Variants in NECAB2 observed in about 807,000 individuals in gnomAD.
NECAB2 encodes the protein N-terminal EF-hand calcium-binding protein 2.
A neutral mutation model predicts 51.9 loss-of-function variants in NECAB2; 68 were observed. The ratio of observed to expected loss-of-function variants is 1.31; its 90% CI spans 1.08 to 1.60. The LOEUF (loss-of-function observed/expected upper bound fraction) is 1.60. Ranked by LOEUF, NECAB2 falls within the 40% of genes most tolerant of loss-of-function variation. The pLI is 0.00. For synonymous variants in NECAB2, 329 were observed against 203.5 expected (o/e 1.62, Z -5.25); for missense variants, 854 against 490.3 (o/e 1.74, Z -7.00).
Position 83,990,533 on chromosome 16 carries a change from C to A in NECAB2, c.499C>A (p.Arg167Ser). Residue 167 changes from arginine (R) to serine (S), a missense_variant, in exon 6 of 13, where the codon CGC becomes AGC. Transcript: ENST00000305202. ...GGSNVDQFVTRFLLKETANQI... is the reference protein window; with the variant it reads ...GGSNVDQFVTSFLLKETANQI... ...GAGCAACGTGGACCAGTTTGTGACC[C>A]GCTTCCTCCTGAAGGAGACGGCCAA... is the stretch of plus-strand genomic sequence containing the variant. 2 of 1,614,130 alleles carry A rather than the reference C, an allele frequency of 1.2e-6. No homozygotes were observed. Among genetic ancestry groups the A allele is most frequent in the Middle Eastern group, 3.3e-4 (2 of 6,062 alleles).
rs2084483558 is a variant in NECAB2 at position 83,981,131 on chromosome 16, A to G, written c.459+4A>G. ...GGCCATGGGTTATACCAAGAAGGTC[A>G]GTGGGTGTAGGTGGCCCCCGGGGTC... is the stretch of plus-strand genomic sequence containing the variant. On this transcript the variant is annotated splice_donor_region_variant and intron_variant, in intron 5 of 12. Transcript: ENST00000305202. 1 of 1,610,668 alleles carries G rather than the reference A, an allele frequency of 6.2e-7. No individual in the cohort carries two copies. The highest frequency in any genetic ancestry group is 8.5e-7 in the Non-Finnish European group (1 of 1,179,016).
chr16:83,979,758 G>C (rs996465995), intron 3 of NECAB2, among the ~76,000 whole-genome samples: 14 of 151,950 alleles, frequency 9.2e-5, no homozygotes, highest in African/African-American at 3.4e-4. Context: ...GGGTGGGTGG[G>C]GGTGCAGGGA....
At position 83,968,381 on chromosome 16, in the gene NECAB2, C is replaced by G. The variant is rs1377985937; in HGVS notation, c.-268C>G. Among the ~76,000 whole-genome samples the G allele has an allele frequency of 6.7e-6, 1 of 150,168 alleles. No homozygotes were observed. Among genetic ancestry groups the G allele is most frequent in the African/African-American group, 2.4e-5 (1 of 41,124 alleles). Reference sequence around the variant, plus strand: ...CCCCTCCGGGTAGCCCCCTCTGTGGCTGCGCCCGCGCCCCTCGCCCCGGCG... The same window carrying G: ...CCCCTCCGGGTAGCCCCCTCTGTGGGTGCGCCCGCGCCCCTCGCCCCGGCG... On this transcript the variant is annotated 5_prime_UTR_variant, in exon 1 of 13. Transcript: ENST00000305202.
intron 5 of NECAB2, among the ~76,000 whole-genome samples, chr16:83,982,038 C>T (rs2084495366): frequency 6.6e-6 from 1 of 152,176 alleles, no homozygotes; most frequent in Middle Eastern, 3.2e-3. Flanking sequence ...AGACATCCAC[C>T]TTATGAATTA....
chr16:83,999,623 A>G (rs1458073173), intron 10 of NECAB2, among the ~76,000 whole-genome samples: 1 of 151,808 alleles, frequency 6.6e-6, no homozygotes, highest in Admixed American at 6.6e-5. Flanking sequence ...GGGCTTCCTC[A>G]TTGTAGTGCA....
chr16:83,990,997 T>C (rs1029097739), intron 6 of NECAB2, among the ~76,000 whole-genome samples: 2 of 152,186 alleles, frequency 1.3e-5, no homozygotes, highest in African/African-American at 4.8e-5. Flanking sequence ...TTTATTTTTT[T>C]GTTTTAGACA....
In NECAB2 at chr16:83,998,204, G is replaced by A. The variant is rs149832425; in HGVS notation, c.850-1G>A. 1 of 1,608,366 alleles carries A rather than the reference G, an allele frequency of 6.2e-7. No homozygotes were observed. The highest frequency in any genetic ancestry group is 1.7e-5 in the Admixed American group (1 of 59,984). ...ACACTGACTCCTGCTGTGCCCGGCA[G>A]CACCTGCAGCTGGTCCGGCAGGAGA... On this transcript the variant is annotated splice_acceptor_variant, in intron 9 of 12. Transcript: ENST00000305202. LOFTEE classifies it high-confidence loss of function.
upstream of NECAB2, chr16:83,965,323 C>G: frequency 6.3e-7 from 1 of 1,577,728 alleles, no homozygotes; most frequent in Non-Finnish European, 8.6e-7. Flanking sequence ...GCACGTTCGA[C>G]AGCCCGGCCC....
chr16:83,986,165 C>T (rs1035431918), intron 5 of NECAB2, among the ~76,000 whole-genome samples: 1 of 152,050 alleles, frequency 6.6e-6, no homozygotes, highest in Non-Finnish European at 1.5e-5. Context: ...TACAGGCGTG[C>T]ACCACCACGC....
intron 11 of NECAB2, 51 bp from the exon 12 acceptor site, chr16:84,001,774 G>A (rs193078519): frequency 7.7e-5 from 123 of 1,593,548 alleles, no homozygotes; most frequent in African/African-American, 5.0e-4. Context: ...GGAGCCACAC[G>A]CGGAGCTCCA....
intron 10 of NECAB2, among the ~76,000 whole-genome samples, chr16:83,999,180 C>G (rs988298901): frequency 4.6e-5 from 7 of 152,134 alleles, no homozygotes; most frequent in Admixed American, 6.5e-5. Context: ...ACCTGTAGCA[C>G]GAGGGGAGGA....
intron 6 of NECAB2, among the ~76,000 whole-genome samples, chr16:83,992,360 G>C (rs932042560): frequency 7.0e-6 from 1 of 143,834 alleles, no homozygotes; most frequent in South Asian, 2.1e-4. Context: ...CCATCTCCCG[G>C]GGAACACGAG....
intron 5 of NECAB2, among the ~76,000 whole-genome samples, chr16:83,984,791 A>G (rs940530500): frequency 3.3e-5 from 5 of 152,308 alleles, no homozygotes; most frequent in Admixed American, 2.6e-4. Context: ...CCATTTTTCT[A>G]CATTTTAAAA....
At chr16:83,972,544 A>G (rs1226093983) in intron 2 of NECAB2, among the ~76,000 whole-genome samples, 1 of 152,206 alleles carries the variant, frequency 6.6e-6, no homozygotes, top group Admixed American at 6.5e-5. Flanking sequence ...GGAAGCCGCC[A>G]GCCTCACGCT....
intron 10 of NECAB2, 46 bp downstream of exon 10, chr16:83,998,363 T>G: frequency 6.4e-7 from 1 of 1,572,538 alleles, no homozygotes; most frequent in African/African-American, 1.3e-5. Context: ...CAGGGAGCTC[T>G]GCCTGGCAGT....
At chr16:83,971,881 C>T (rs1419235582) in intron 1 of NECAB2, 1 of 586,746 alleles carries the variant, frequency 1.7e-6, no homozygotes, top group African/African-American at 1.9e-5. Context: ...TGGCCGTGGG[C>T]CTGCGTGTGT....
intron 5 of NECAB2, among the ~76,000 whole-genome samples, chr16:83,983,078 A>T (rs1348356322): frequency 2.0e-5 from 3 of 152,084 alleles, no homozygotes; most frequent in Non-Finnish European, 4.4e-5. Flanking sequence ...CATGTTGGCC[A>T]GGCTGGTCTC....
At chr16:83,999,303 G>C (rs1023004640) in intron 10 of NECAB2, among the ~76,000 whole-genome samples, 1 of 152,184 alleles carries the variant, frequency 6.6e-6, no homozygotes, top group African/African-American at 2.4e-5. Flanking sequence ...CAGGAGGACA[G>C]ACTGCACAGG....
chr16:83,987,448 G>A lies in NECAB2; in HGVS notation c.460-3046G>A, dbSNP rs186667306. Among the ~76,000 whole-genome samples, 3 of 152,282 alleles carry A rather than the reference G, an allele frequency of 2.0e-5. No individual in the cohort carries two copies. In the East Asian group the frequency reaches 5.8e-4, roughly 29 times the overall value. ...TACTTCTGTTATATAATGGTACGTAGTTGATATGCAAAATTTAGGGAGTAA... is the reference window on the plus strand; with the variant it reads ...TACTTCTGTTATATAATGGTACGTAATTGATATGCAAAATTTAGGGAGTAA... On this transcript the variant is annotated intron_variant, in intron 5 of 12. Coordinates refer to ENST00000305202, the MANE Select transcript of NECAB2 (RefSeq NM_019065.3).
Sources: allele counts gnomAD v4.1 joint callset (sites outside exome capture counted in the v4.1 genomes callset), GRCh38; gene constraint gnomAD v4.1.1; transcripts MANE v1.5; gene names NCBI Gene and HGNC (gene_info 2026-07-23, HGNC 2026-07-21).